The following NANS variants were observed in gnomAD, a reference collection of about 807,000 sequenced individuals.
NANS encodes N-acetylneuraminate-9-phosphate synthase.
In NANS, 29 loss-of-function variants were observed where a neutral mutation model predicts 33.3. The observed-to-expected ratio is 0.87, with a 90% confidence interval of 0.65 to 1.19. NANS has a LOEUF of 1.19. Among genes scored for constraint, NANS ranks in the 50% most tolerant of loss-of-function variants. NANS has a pLI of 0.00. For synonymous variants in NANS, 163 were observed against 177.2 expected (o/e 0.92, Z 0.64); for missense variants, 394 against 461.1 (o/e 0.85, Z 1.33).
chr9:98,077,418 C>T (rs1829641314), intron 3 of NANS, among the ~76,000 whole-genome samples: 1 of 150,786 alleles, frequency 6.6e-6, no homozygotes, highest in South Asian at 2.1e-4. Flanking sequence ...CTATGTTGCC[C>T]AGGTTGGTCT....
intron 2 of NANS, among the ~76,000 whole-genome samples, chr9:98,070,469 G>A (rs910792308): frequency 3.3e-5 from 5 of 151,944 alleles, no homozygotes; most frequent in South Asian, 2.1e-4. Flanking sequence ...TGGCCAGGCC[G>A]GAGTGCAATG....
chr9:98,061,931 G>A (rs1238532436), intron 2 of NANS, among the ~76,000 whole-genome samples: 1 of 151,598 alleles, frequency 6.6e-6, no homozygotes, highest in African/African-American at 2.4e-5. Context: ...AAATGGTCTG[G>A]GAACCAGGGC....
intron 3 of NANS, 168 bp from the exon 4 acceptor site, chr9:98,078,025 G>T: frequency 1.1e-6 from 1 of 949,222 alleles, no homozygotes; most frequent in Non-Finnish European, 1.5e-6. Context: ...GTGGCCGAGG[G>T]CAGGAACCCA....
chr9:98,070,234 C>T (rs1419428379), intron 2 of NANS, among the ~76,000 whole-genome samples: 2 of 152,186 alleles, frequency 1.3e-5, no homozygotes, highest in African/African-American at 4.8e-5. Flanking sequence ...TCTCCTGCTT[C>T]AGCCTCCCAA....
At chr9:98,081,177 C>T (rs762202916) in intron 5 of NANS, 95 bp downstream of exon 5, 1 of 1,515,948 alleles carries the variant, frequency 6.6e-7, no homozygotes, top group Non-Finnish European at 9.0e-7. Flanking sequence ...CCTCCCTGAG[C>T]CAGGCTGATG....
At chr9:98,077,512 G>C (rs12377674) in intron 3 of NANS, among the ~76,000 whole-genome samples, 1 of 151,792 alleles carries the variant, frequency 6.6e-6, no homozygotes, top group Non-Finnish European at 1.5e-5. Flanking sequence ...ACCTGTCCTA[G>C]AAAATTTTTT....
chr9:98,067,711 G>A (rs1829188150), intron 2 of NANS, among the ~76,000 whole-genome samples: 1 of 151,766 alleles, frequency 6.6e-6, no homozygotes, highest in South Asian at 2.1e-4. Flanking sequence ...TCTTTGGGTT[G>A]TCTTTTTCAC....
intron 4 of NANS, among the ~76,000 whole-genome samples, chr9:98,078,838 A>G (rs911839098): frequency 8.6e-5 from 12 of 139,380 alleles, no homozygotes; most frequent in East Asian, 4.0e-4. Context: ...CTCAGGGGGA[A>G]AAAAAAAAAA....
chr9:98,057,471 C>T (rs1038791667), intron 1 of NANS, among the ~76,000 whole-genome samples: 1 of 152,222 alleles, frequency 6.6e-6, no homozygotes, highest in African/African-American at 2.4e-5. Flanking sequence ...GTTCAAATCT[C>T]AGTTCCACCA....
rs370013075 is a variant in NANS, at chr9:98,060,893, G to C, written c.244G>C (p.Gly82Arg). ...GAAGCATTCCTGGGGGAAGACGTACGGGGAGCACAAACGACATCTGGAGTT... is the reference window on the plus strand; with the variant it reads ...GAAGCATTCCTGGGGGAAGACGTACCGGGAGCACAAACGACATCTGGAGTT... ...TSKHSWGKTY[G>R]EHKRHLEFSH... The change falls in exon 2 of 6, where the codon GGG becomes CGG. Residue 82 changes from glycine to arginine, a missense_variant. By Grantham distance (125) the Gly-to-Arg change is moderately radical. Transcript: ENST00000210444. 12 of 1,614,078 alleles carry C rather than the reference G, an allele frequency of 7.4e-6. No individual in the cohort carries two copies. The highest frequency in any genetic ancestry group is 4.0e-5 in the African/African-American group (3 of 74,928).
At chr9:98,081,652 C>T (rs1829868415) in intron 5 of NANS, 1 of 152,614 alleles carries the variant, frequency 6.6e-6, no homozygotes, top group Non-Finnish European at 1.5e-5. Flanking sequence ...ACTATCAGGG[C>T]TTCCTGGAAG....
Position 98,056,892 on chromosome 9 carries a change from C to T in NANS, c.84C>T (p.Asn28=). The stretch of plus-strand genomic sequence containing the variant: ...TCATCATTGCCGAGATCGGCCAGAA[C>T]CACCAGGGCGACCTGGACGTAGCCA... ...PCFIIAEIGQ[N]HQGDLDVAKR... is the part of the protein sequence containing the mutation. Residue 28 remains asparagine (N), a synonymous_variant, in exon 1 of 6, where the codon AAC becomes AAT. Transcript: ENST00000210444. The T allele has an allele frequency of 6.2e-7, 1 of 1,611,074 alleles. No homozygotes were observed. The highest frequency in any genetic ancestry group is 8.5e-7 in the Non-Finnish European group (1 of 1,178,914).
Position 98,077,101 on chromosome 9 carries a change from A to G in NANS, c.448+84A>G. The G allele has an allele frequency of 3.0e-6, 3 of 991,190 alleles. No homozygotes were observed. In the South Asian group the frequency reaches 4.6e-5, roughly 15 times the overall value. The allele number at this position is 991,190 out of a possible 1,614,324, so 61.4% of individuals were successfully genotyped here. A position where few individuals can be genotyped will look rare whatever the true frequency, so the allele number is the denominator to read the frequency against. ...CCCCTCATGGTGGCCCACTTTCAGCAGATTTCATGAAGACAAATTTTAGCC... is the reference window on the plus strand; with the variant it reads ...CCCCTCATGGTGGCCCACTTTCAGCGGATTTCATGAAGACAAATTTTAGCC... On this transcript the variant is annotated intron_variant, in intron 3 of 5. Transcript: ENST00000210444.
intron 2 of NANS, chr9:98,075,404 AGGAAGGAAAGGGAGAGAGGGAG>A (rs1466460275): frequency 1.1e-4 from 16 of 139,726 alleles, no homozygotes; most frequent in African/African-American, 3.9e-4. Flanking sequence ...GGAGGGAGGG[AGGAAGGAAAGGGAGAGAGGGAG>A]GGAAGGAAAG....
At chr9:98,070,658 G>C (rs1424727916) in intron 2 of NANS, among the ~76,000 whole-genome samples, 14 of 151,906 alleles carry the variant, frequency 9.2e-5, no homozygotes, top group Non-Finnish European at 2.1e-4. Flanking sequence ...GACCTCAGGT[G>C]ATCCGCCCAC....
intron 2 of NANS, among the ~76,000 whole-genome samples, chr9:98,063,139 G>A (rs913900669): frequency 1.3e-5 from 2 of 151,762 alleles, no homozygotes; most frequent in Admixed American, 6.6e-5. Flanking sequence ...TGTTAGCCAG[G>A]CTGATCTCAA....
At chr9:98,062,091 G>A (rs749307620) in intron 2 of NANS, among the ~76,000 whole-genome samples, 11 of 151,912 alleles carry the variant, frequency 7.2e-5, no homozygotes, top group African/African-American at 9.6e-5. Flanking sequence ...GCGTGGTGGC[G>A]TACTCCTGTA....
chr9:98,076,923 A>C lies in NANS; in HGVS notation c.354A>C (p.Ala118=), dbSNP rs761437819. 6.2e-7 allele frequency: 1 copy of C among 1,609,870 alleles called. No homozygotes were observed. The highest frequency in any genetic ancestry group is 1.1e-5 in the South Asian group (1 of 89,790). The change falls in exon 3 of 6, where the codon GCA becomes GCC. Residue 118 remains alanine, a synonymous_variant. Coordinates refer to ENST00000210444, the MANE Select transcript of NANS (RefSeq NM_018946.4). The stretch of plus-strand genomic sequence containing the variant: ...TCCCTCTTTGATTTTTGTAGATGGC[A>C]GTTGAATTCCTGCATGAACTGAATG... ...FFTASGMDEM[A]VEFLHELNVP... is the part of the protein sequence containing the mutation.
chr9:98,076,954 T>C lies in NANS; in HGVS notation c.385T>C (p.Phe129Leu), dbSNP rs199986788. The change falls in exon 3 of 6, where the codon TTT becomes CTT. Residue 129 changes from phenylalanine (F) to leucine (L), a missense_variant. Transcript: ENST00000210444. Reference sequence around the variant, plus strand: ...ATTCCTGCATGAACTGAATGTTCCATTTTTCAAAGTTGGATCTGGAGACAC... The same window carrying C: ...ATTCCTGCATGAACTGAATGTTCCACTTTTCAAAGTTGGATCTGGAGACAC... ...VEFLHELNVPFFKVGSGDTNN... is the reference protein window; with the variant it reads ...VEFLHELNVPLFKVGSGDTNN... 1 of 1,612,292 alleles carries C rather than the reference T, an allele frequency of 6.2e-7. No homozygotes were observed. Among genetic ancestry groups the C allele is most frequent in the Admixed American group, 1.7e-5 (1 of 59,650 alleles).
Sources: gnomAD v4.1 joint callset for allele counts (sites outside exome capture counted in the v4.1 genomes callset) on GRCh38, gnomAD v4.1.1 for gene constraint, MANE v1.5 for transcripts, NCBI Gene and HGNC (gene_info 2026-07-23, HGNC 2026-07-21) for gene names.